The following FAM13B variants were observed in gnomAD, a reference collection of about 807,000 sequenced individuals.
FAM13B encodes the protein family with sequence similarity 13 member B.
Under a neutral mutation model 117.3 loss-of-function variants are expected in FAM13B, and 60 were observed. The ratio of observed to expected loss-of-function variants is 0.51; its 90% CI spans 0.42 to 0.63. The LOEUF is 0.63. FAM13B is among the 30% of genes least tolerant of loss of function. The pLI is 0.00. For synonymous variants in FAM13B, 332 were observed against 356.1 expected, an observed-to-expected ratio of 0.93 and a Z score of 0.76; for missense variants, 972 against 1,091.9, an observed-to-expected ratio of 0.89 and a Z score of 1.55.
intron 2 of FAM13B, 191 bp downstream of exon 2, chr5:138,020,840 A>C (rs1786535495): frequency 3.1e-6 from 1 of 320,088 alleles, no homozygotes; most frequent in African/African-American, 2.1e-5. Context: ...TAAAAGAAAA[A>C]ATTAACTTAA....
chr5:137,944,420 T>C (rs1745693385), intron 20 of FAM13B, among the ~76,000 whole-genome samples: 4 of 152,086 alleles, frequency 2.6e-5, no homozygotes, highest in Admixed American at 2.6e-4. Flanking sequence ...AACAGTGGAT[T>C]GGATAAAGAA....
intron 1 of FAM13B, among the ~76,000 whole-genome samples, chr5:138,047,229 G>A (rs115336596): frequency 0.014 from 2,116 of 151,692 alleles, 38 homozygotes; most frequent in African/African-American, 0.047. Flanking sequence ...CATTCAGACC[G>A]GGCGCGGTGG....
In FAM13B at chr5:137,949,083, C is replaced by G. The variant is rs753706377; in HGVS notation, c.2032G>C (p.Glu678Gln). ...ACCTTGGGTTCATCTTCATTCTCTT[C>G]ATCTTCATGGTCTAGAGAAGAGCCA... ...SFGSSLDHED[E>Q]ENEDEPKVIQ... Residue 678 changes from glutamate to glutamine, a missense_variant, in exon 18 of 24, where the codon GAA (glutamate) becomes CAA (glutamine). Coordinates refer to ENST00000689681, the MANE Select transcript of FAM13B (RefSeq NM_001385994.1). The G allele has an allele frequency of 6.2e-7, 1 of 1,614,082 alleles. No individual in the cohort carries two copies. Among genetic ancestry groups the G allele is most frequent in the South Asian group, 1.1e-5 (1 of 91,078 alleles).
chr5:138,032,606 G>C (rs1460980140), intron 1 of FAM13B, among the ~76,000 whole-genome samples, 176 bp downstream of exon 1: 2 of 152,236 alleles, frequency 1.3e-5, no homozygotes, highest in Non-Finnish European at 2.9e-5. Context: ...TTCTCCAGCG[G>C]AAAGGGGGCC....
intron 7 of FAM13B, among the ~76,000 whole-genome samples, chr5:137,990,845 T>A (rs1335453886): frequency 3.3e-5 from 5 of 152,100 alleles, no homozygotes; most frequent in Admixed American, 6.5e-5. Flanking sequence ...TCTGCTGATG[T>A]CAATATAGTA....
intron 6 of FAM13B, among the ~76,000 whole-genome samples, chr5:138,010,752 G>C (rs906189450): frequency 6.6e-6 from 1 of 151,458 alleles, no homozygotes; most frequent in Non-Finnish European, 1.5e-5. Context: ...TAAACAATAG[G>C]AAAAGAAACA....
Position 138,011,169 on chromosome 5 carries a change from T to C in FAM13B, c.549-20A>G, listed in dbSNP as rs1272727914. 6.3e-7 allele frequency: 1 copy of C among 1,586,610 alleles called. No homozygotes were observed. The highest frequency in any genetic ancestry group is 1.2e-5 in the South Asian group (1 of 85,310). Reference sequence around the variant, plus strand: ...TAAATGCTAAGAATAGAAGTCCAAATTGAATTGAGAGTTCTTAAATCAATC... The same window carrying C: ...TAAATGCTAAGAATAGAAGTCCAAACTGAATTGAGAGTTCTTAAATCAATC... On this transcript the variant is annotated intron_variant, in intron 5 of 23. Coordinates refer to ENST00000689681, the MANE Select transcript of FAM13B (RefSeq NM_001385994.1).
At chr5:137,944,552 G>A (rs998276906) in intron 20 of FAM13B, among the ~76,000 whole-genome samples, 1 of 152,066 alleles carries the variant, frequency 6.6e-6, no homozygotes, top group African/African-American at 2.4e-5. Flanking sequence ...TGGATGACAA[G>A]GTCAGGAGTT....
At chr5:137,953,599 G>A in intron 15 of FAM13B, 134 bp from the exon 16 acceptor site, 2 of 847,074 alleles carry the variant, frequency 2.4e-6, no homozygotes, top group Non-Finnish European at 3.7e-6. Context: ...TAAAGGACAG[G>A]TAGTATAAAG....
At chr5:138,036,392 TA>T (rs1290389640), upstream of FAM13B, 1 of 456,666 alleles carries the variant, frequency 2.2e-6, no homozygotes, top group Non-Finnish European at 4.4e-6. Context: ...GAGTACAGGC[TA>T]ATCCCAGTGC....
intron 4 of FAM13B, among the ~76,000 whole-genome samples, chr5:138,017,757 G>A (rs1322965484): frequency 6.6e-6 from 1 of 152,046 alleles, no homozygotes; most frequent in Admixed American, 6.6e-5. Context: ...ACCTAACAAA[G>A]ATACATCTTT....
At chr5:137,966,570 T>A (rs1581115879) in intron 10 of FAM13B, among the ~76,000 whole-genome samples, 1 of 113,532 alleles carries the variant, frequency 8.8e-6, no homozygotes, top group East Asian at 2.8e-4. Flanking sequence ...AAGAAAACAA[T>A]CCAATTTAAA....
intron 1 of FAM13B, among the ~76,000 whole-genome samples, chr5:138,026,227 A>G (rs1308396876): frequency 6.6e-6 from 1 of 152,228 alleles, no homozygotes; most frequent in East Asian, 1.9e-4. Context: ...AAAATGTTCT[A>G]TGTCATAACT....
At chr5:137,997,489 A>T (rs1780167519) in intron 7 of FAM13B, among the ~76,000 whole-genome samples, 2 of 150,574 alleles carry the variant, frequency 1.3e-5, no homozygotes, top group African/African-American at 4.9e-5. Flanking sequence ...ATATATATAT[A>T]ATATATATAA....
At chr5:138,013,884 T>C (rs760613391) in intron 4 of FAM13B, among the ~76,000 whole-genome samples, 1 of 152,200 alleles carries the variant, frequency 6.6e-6, no homozygotes, top group Non-Finnish European at 1.5e-5. Flanking sequence ...TGTTTATTTT[T>C]ATCATCTACT....
At chr5:137,951,209 CAAAAAAAAAAAAAA>C (rs1158310740) in intron 17 of FAM13B, among the ~76,000 whole-genome samples, 3 of 63,242 alleles carry the variant, frequency 4.7e-5, no homozygotes, top group African/African-American at 1.3e-4. Flanking sequence ...CTGTCTCAAA[CAAAAAAAAAAAAAA>C]AAAAAAAAAA....
intron 1 of FAM13B, among the ~76,000 whole-genome samples, chr5:138,022,043 G>A (rs1448075518): frequency 6.6e-6 from 1 of 151,626 alleles, no homozygotes; most frequent in East Asian, 1.9e-4. Context: ...CTGCCAGGAG[G>A]TGGAGGCTGC....
intron 13 of FAM13B, among the ~76,000 whole-genome samples, chr5:137,956,778 C>T (rs1244166453): frequency 4.6e-5 from 7 of 151,344 alleles, no homozygotes; most frequent in African/African-American, 1.2e-4. Flanking sequence ...AACTCAAAGT[C>T]GTGCTATTTT....
At chr5:137,990,062 A>G (rs1253905897) in intron 7 of FAM13B, among the ~76,000 whole-genome samples, 1 of 152,196 alleles carries the variant, frequency 6.6e-6, no homozygotes, top group Non-Finnish European at 1.5e-5. Flanking sequence ...ATGAACTAGG[A>G]TATTAAATCA....
Sources: allele counts gnomAD v4.1 joint callset (sites outside exome capture counted in the v4.1 genomes callset), GRCh38; gene constraint gnomAD v4.1.1; transcripts MANE v1.5; gene names NCBI Gene and HGNC (gene_info 2026-07-23, HGNC 2026-07-21).